The following UNC79 variants were observed in gnomAD, a reference collection of about 807,000 sequenced individuals.
UNC79 encodes unc-79 subunit of NALCN channel complex.
A neutral mutation model predicts 283.1 loss-of-function variants in UNC79; 37 were observed. The ratio of observed to expected loss-of-function variants is 0.13; its 90% confidence interval spans 0.10 to 0.17. The LOEUF (loss-of-function observed/expected upper bound fraction) is 0.17. Among genes scored for constraint, UNC79 ranks in the 10% least tolerant of loss-of-function variants. The probability of loss-of-function intolerance (pLI) is 1.00; values close to 1 mark genes in which losing one functional copy is unlikely to be tolerated. For synonymous variants in UNC79, 1,107 were observed against 1,200.2 expected (o/e 0.92, Z 1.61); for missense variants, 2,272 against 3,211.1 (o/e 0.71, Z 7.07).
chr14:93,635,178 A>G (rs2068403515), intron 31 of UNC79, among the ~76,000 whole-genome samples: 1 of 152,202 alleles, frequency 6.6e-6, no homozygotes, highest in Admixed American at 6.5e-5. Flanking sequence ...TTTTAAAGTA[A>G]GAATTGACTG....
At chr14:93,595,380 G>A (rs138244730) in intron 23 of UNC79, among the ~76,000 whole-genome samples, 3 of 152,178 alleles carry the variant, frequency 2.0e-5, no homozygotes, top group South Asian at 2.1e-4. Flanking sequence ...ATGAGCCACC[G>A]TACCCGGCCA....
chr14:93,681,339 C>T (rs534163843), intron 41 of UNC79, among the ~76,000 whole-genome samples: 4 of 152,328 alleles, frequency 2.6e-5, no homozygotes, highest in Non-Finnish European at 2.9e-5. Flanking sequence ...GGCCCTGAGC[C>T]GGAAGTCTAA....
rs543153227 is a variant in UNC79 at position 93,566,841 on chromosome 14, T to A, written c.1756-5053T>A. On this transcript the variant is annotated intron_variant, in intron 14 of 48. Coordinates refer to ENST00000555664, the Ensembl canonical transcript of UNC79. ...ACCATGTTGGCAAGGATGGTCTTGATCTCCTGACCTCGTGATCTGCCCACC... is the reference window on the plus strand; with the variant it reads ...ACCATGTTGGCAAGGATGGTCTTGAACTCCTGACCTCGTGATCTGCCCACC... Among the ~76,000 whole-genome samples, 8 of 152,096 alleles carry A rather than the reference T, an allele frequency of 5.3e-5. 1 individual carries two copies. In the South Asian group the frequency reaches 1.7e-3, roughly 32 times the overall value.
intron 7 of UNC79, among the ~76,000 whole-genome samples, chr14:93,498,320 G>A (rs2059117818): frequency 6.6e-6 from 1 of 151,834 alleles, no homozygotes; most frequent in Admixed American, 6.6e-5. Context: ...CAGGCGTGGT[G>A]GCTCACACCT....
At chr14:93,364,961 A>G (rs1566894252) in intron 1 of UNC79, among the ~76,000 whole-genome samples, 1 of 152,152 alleles carries the variant, frequency 6.6e-6, no homozygotes, top group Non-Finnish European at 1.5e-5. Flanking sequence ...GGCTGGGTGC[A>G]ATGGCTCATG....
chr14:93,687,919 A>G (rs747355257), intron 43 of UNC79, among the ~76,000 whole-genome samples: 1 of 152,214 alleles, frequency 6.6e-6, no homozygotes, highest in Non-Finnish European at 1.5e-5. Flanking sequence ...CTGATTTTAC[A>G]TATTGGGAAA....
At chr14:93,598,030 CT>C (rs2065200775) in intron 24 of UNC79, among the ~76,000 whole-genome samples, 1 of 152,136 alleles carries the variant, frequency 6.6e-6, no homozygotes, top group Admixed American at 6.6e-5. Flanking sequence ...AAGACACAGT[CT>C]TACTCTGTTG....
At chr14:93,503,609 G>A (rs923893316) in intron 7 of UNC79, among the ~76,000 whole-genome samples, 13 of 152,006 alleles carry the variant, frequency 8.6e-5, no homozygotes, top group African/African-American at 1.7e-4. Context: ...TCAAGGGTGT[G>A]TAGAAGTATC....
intron 26 of UNC79, among the ~76,000 whole-genome samples, chr14:93,605,361 C>A (rs1198263382): frequency 6.6e-6 from 1 of 152,220 alleles, no homozygotes; most frequent in African/African-American, 2.4e-5. Flanking sequence ...ATTTGAACCA[C>A]TGTCATCCGC....
intron 47 of UNC79, among the ~76,000 whole-genome samples, chr14:93,698,797 G>A (rs1354231305): frequency 6.6e-6 from 1 of 152,062 alleles, no homozygotes; most frequent in Non-Finnish European, 1.5e-5. Context: ...GAAAAAACTT[G>A]GAGGTGATGG....
At chr14:93,405,335 A>G (rs2055205576) in intron 1 of UNC79, among the ~76,000 whole-genome samples, 1 of 152,106 alleles carries the variant, frequency 6.6e-6, no homozygotes, top group Non-Finnish European at 1.5e-5. Flanking sequence ...ACCCTAAATA[A>G]CATAACCTTT....
intron 1 of UNC79, among the ~76,000 whole-genome samples, chr14:93,375,788 C>T (rs963542981): frequency 3.9e-5 from 6 of 152,150 alleles, no homozygotes; most frequent in Non-Finnish European, 5.9e-5. Context: ...CCATTCATGA[C>T]GGATTACCCC....
At position 93,341,286 on chromosome 14, in the gene UNC79, G is replaced by A. The variant is rs145882468; in HGVS notation, c.-351+7763G>A. On this transcript the variant is annotated intron_variant, in intron 1 of 49. Coordinates refer to the UNC79 transcript ENST00000256339. ...AGCCTGACCAACATGGAGAAACCCC[G>A]TCTCTACTAAAAATACAAAAATGAG... Among the ~76,000 whole-genome samples, 405 of 151,924 alleles carry A rather than the reference G, an allele frequency of 2.7e-3. 5 individuals are homozygous for A. The highest frequency in any genetic ancestry group is 0.027 in the East Asian group (136 of 5,132).
chr14:93,527,657 A>G (rs186283688), intron 8 of UNC79, among the ~76,000 whole-genome samples: 1 of 152,318 alleles, frequency 6.6e-6, no homozygotes, highest in Non-Finnish European at 1.5e-5. Context: ...ACAACTAAAA[A>G]GAGTGTAGTT....
chr14:93,547,240 T>G (rs1438608149), intron 14 of UNC79, among the ~76,000 whole-genome samples: 1 of 152,228 alleles, frequency 6.6e-6, no homozygotes, highest in Non-Finnish European at 1.5e-5. Flanking sequence ...ATATTTGTAT[T>G]CATAACATTT....
chr14:93,597,276 T>TAAA (rs1264360953), intron 23 of UNC79, 83 bp from the exon 24 acceptor site: 16 of 1,453,602 alleles, frequency 1.1e-5, no homozygotes, highest in Non-Finnish European at 1.5e-5. Context: ...AGTTCAGTTC[T>TAAA]CAGACTGGCT....
intron 11 of UNC79, among the ~76,000 whole-genome samples, chr14:93,536,854 A>G (rs1479488639): frequency 6.8e-6 from 1 of 146,760 alleles, no homozygotes; most frequent in Non-Finnish European, 1.5e-5. Flanking sequence ...AGTTCTTAAC[A>G]AAGGGTTTTA....
intron 26 of UNC79, among the ~76,000 whole-genome samples, chr14:93,607,349 T>C (rs1836879729): frequency 6.6e-6 from 1 of 152,236 alleles, no homozygotes; most frequent in Non-Finnish European, 1.5e-5. Context: ...TTCCTGTATA[T>C]ATAGTATCTC....
chr14:93,523,700 C>A (rs977375541), intron 7 of UNC79, among the ~76,000 whole-genome samples: 1 of 152,098 alleles, frequency 6.6e-6, no homozygotes, highest in Non-Finnish European at 1.5e-5. Flanking sequence ...TCAAGTGAAA[C>A]CATGGTTGTA....
Sources: gnomAD v4.1 joint callset for allele counts (sites outside exome capture counted in the v4.1 genomes callset) on GRCh38, gnomAD v4.1.1 for gene constraint, MANE v1.5 for transcripts, NCBI Gene and HGNC (gene_info 2026-07-23, HGNC 2026-07-21) for gene names.